The following MED14 variants were observed in gnomAD, a reference collection of about 807,000 sequenced individuals.
The protein encoded by MED14 is mediator of RNA polymerase II transcription subunit 14.
A neutral mutation model predicts 109.0 loss-of-function variants in MED14; 8 were observed. The ratio of observed to expected loss-of-function variants is 0.07; its 90% confidence interval spans 0.04 to 0.13. MED14 has a LOEUF of 0.13. Ranked by LOEUF, MED14 falls within the 10% of genes least tolerant of loss-of-function variation. The probability of loss-of-function intolerance (pLI) is 1.00; values close to 1 mark genes in which losing one functional copy is unlikely to be tolerated. For synonymous variants in MED14, 399 were observed against 408.7 expected (o/e 0.98, Z 0.29); for missense variants, 711 against 1,142.4 (o/e 0.62, Z 5.44).
Position 40,651,165 on chromosome X carries a change from C to T in MED14, c.*641G>A, listed in dbSNP as rs925717192. 8.0e-6 allele frequency: 6 copies of T among 749,885 alleles called. No individual in the cohort carries two copies. In the African/African-American group the frequency reaches 9.3e-5, roughly 12 times the overall value. 61.8% of individuals were successfully genotyped at this position (749,885 alleles called of 1,213,427 possible). The stretch of plus-strand genomic sequence containing the variant: ...AAGATGTTTTTGGTCAAATTTCAGA[C>T]ATGTATTATTATAAATTAATAACTG... On this transcript the variant is annotated 3_prime_UTR_variant, in exon 31 of 31. Coordinates refer to ENST00000324817, the MANE Select transcript of MED14 (RefSeq NM_004229.4).
intron 3 of MED14, among the ~76,000 whole-genome samples, chrX:40,721,391 G>C (rs146707160): frequency 1.2e-4 from 13 of 112,436 alleles, no homozygotes; most frequent in South Asian, 3.7e-4. Flanking sequence ...ATGGCCAAAG[G>C]GGGAGGCTCC....
intron 3 of MED14, among the ~76,000 whole-genome samples, chrX:40,721,944 T>C (rs1247350295): frequency 8.9e-6 from 1 of 112,135 alleles, no homozygotes; most frequent in East Asian, 2.8e-4. Flanking sequence ...CACAGCATTA[T>C]TGAGCTTGGG....
Position 40,682,753 on chromosome X carries a change from C to A in MED14, c.2219-4G>T, listed in dbSNP as rs369189859. On this transcript the variant is annotated splice_polypyrimidine_tract_variant and splice_region_variant and intron_variant, in intron 17 of 30. Transcript: ENST00000324817. ...AGGTAAACGTGCCGGGATGGTCCTACAGGATTAAAAGAGAATATTAATAGT... is the reference window on the plus strand; with the variant it reads ...AGGTAAACGTGCCGGGATGGTCCTAAAGGATTAAAAGAGAATATTAATAGT... The A allele has an allele frequency of 1.7e-6, 2 of 1,205,172 alleles. No individual in the cohort carries two copies. Among genetic ancestry groups the A allele is most frequent in the African/African-American group, 3.5e-5 (2 of 56,726 alleles).
rs1387005685 is a variant in MED14, at chrX:40,712,959, G to A, written c.736C>T (p.Arg246Cys). Residue 246 changes from arginine to cysteine, a missense_variant, in exon 6 of 31, where the codon CGT becomes TGT. Around this residue, in one of 8 missense-constraint regions of MED14, gnomAD observed 388 missense variants for 517.3 expected, o/e 0.75. Transcript: ENST00000324817. ...VMGDDPDVPW[R>C]LLKLEILVED... Reference sequence around the variant, plus strand: ...ACTAGAATTTCTAGCTTGAGAAGACGCCATGGAACATCAGGGTCATCTCCC... The same window carrying A: ...ACTAGAATTTCTAGCTTGAGAAGACACCATGGAACATCAGGGTCATCTCCC... The A allele has an allele frequency of 1.7e-6, 2 of 1,189,570 alleles. No homozygotes were observed. The highest frequency in any genetic ancestry group is 2.3e-6 in the Non-Finnish European group (2 of 880,869).
At chrX:40,661,793 T>C (rs1042597953) in intron 26 of MED14, among the ~76,000 whole-genome samples, 4 of 111,883 alleles carry the variant, frequency 3.6e-5, no homozygotes, top group Non-Finnish European at 5.6e-5. Context: ...TAGGATAAGT[T>C]AGAAGTCTCT....
At chrX:40,662,435 G>A in intron 26 of MED14, among the ~76,000 whole-genome samples, 1 of 110,154 alleles carries the variant, frequency 9.1e-6, no homozygotes, top group Non-Finnish European at 1.9e-5. Flanking sequence ...ATTGCCTAGG[G>A]TGGTCTGGAA....
intron 13 of MED14, among the ~76,000 whole-genome samples, chrX:40,695,827 A>C (rs761779757): frequency 8.9e-6 from 1 of 112,462 alleles, no homozygotes; most frequent in Non-Finnish European, 1.9e-5. Context: ...CGAGCTTAAG[A>C]TATGTCAGCC....
Position 40,651,491 on chromosome X carries a change from CAATT to C in MED14, c.*311_*314del, listed in dbSNP as rs966860056. 36 of 799,579 alleles carry C rather than the reference CAATT, an allele frequency of 4.5e-5. No individual in the cohort carries two copies. Among genetic ancestry groups the C allele is most frequent in the East Asian group, 2.6e-4 (3 of 11,403 alleles). 65.9% of individuals were successfully genotyped at this position (799,579 alleles called of 1,213,427 possible). ...CTATTACACCCAAAACATAAGAAAA[CAATT>C]AAATAAACAAGTTTGGCATTTTCAT... On this transcript the variant is annotated 3_prime_UTR_variant, in exon 31 of 31. Transcript: ENST00000324817.
At chrX:40,724,138 A>G (rs750464071) in intron 3 of MED14, among the ~76,000 whole-genome samples, 1 of 112,580 alleles carries the variant, frequency 8.9e-6, no homozygotes, top group African/African-American at 3.2e-5. Context: ...CAGCAAAAGG[A>G]TATGATTGTA....
At position 40,672,138 on chromosome X, in the gene MED14, A is replaced by G. The variant is rs7884845; in HGVS notation, c.3022-166T>C. 6.9e-3 allele frequency among the ~76,000 whole-genome samples: 773 copies of G among 112,574 alleles called. 7 individuals are homozygous for G. Among genetic ancestry groups the G allele is most frequent in the African/African-American group, 0.023 (721 of 31,003 alleles). On this transcript the variant is annotated intron_variant, in intron 22 of 30. Transcript: ENST00000324817. ...TGCAAAATAAATACACATCACCAGC[A>G]CAAGTCTTTATAAACCCCGACTTTC...
At position 40,664,489 on chromosome X, in the gene MED14, C is replaced by A; in HGVS notation, c.3266G>T (p.Gly1089Val). The A allele has an allele frequency of 9.4e-7, 1 of 1,062,194 alleles. No individual in the cohort carries two copies. Among genetic ancestry groups the A allele is most frequent in the Non-Finnish European group, 1.2e-6 (1 of 817,180 alleles). The allele number at this position is 1,062,194 out of a possible 1,213,427, so 87.5% of individuals were successfully genotyped here. A position where few individuals can be genotyped will look rare whatever the true frequency, so the allele number is the denominator to read the frequency against. Reference protein sequence around the residue: ...GPGASFASPHGTLDPSSPYTM... With the variant: ...GPGASFASPHVTLDPSSPYTM... ...GTATGGGGAACTAGGGTCAAGAGTT[C>A]CTATAAAAAAGGTAAACAAATGATT... Residue 1089 changes from glycine to valine, a missense_variant and splice_region_variant, in exon 25 of 31, where the codon GGA becomes GTA. Coordinates refer to ENST00000324817, the MANE Select transcript of MED14 (RefSeq NM_004229.4).
chrX:40,694,697 GACTA>G (rs1292719414), intron 13 of MED14, among the ~76,000 whole-genome samples: 2 of 111,891 alleles, frequency 1.8e-5, no homozygotes, highest in Non-Finnish European at 3.8e-5. Flanking sequence ...AAATTCTAAT[GACTA>G]ACTGTTGGCA....
intron 1 of MED14, 133 bp from the exon 2 acceptor site, chrX:40,729,478 G>A: frequency 3.7e-6 from 2 of 542,478 alleles, no homozygotes; most frequent in Non-Finnish European, 5.7e-6. Flanking sequence ...ACAGGCTCAT[G>A]TAGCTACCTA....
intron 21 of MED14, among the ~76,000 whole-genome samples, chrX:40,678,541 T>C (rs1929995120): frequency 9.0e-6 from 1 of 110,554 alleles, no homozygotes; most frequent in Admixed American, 9.6e-5. Context: ...GTTACAAAGA[T>C]AGGAGGAAAG....
intron 10 of MED14, among the ~76,000 whole-genome samples, chrX:40,707,107 GGATA>G (rs544581828): frequency 0.15 from 15,397 of 101,172 alleles, 1,535 homozygotes; most frequent in African/African-American, 0.34. Flanking sequence ...ATACATAGAT[GGATA>G]GATAGATAGA....
intron 4 of MED14, among the ~76,000 whole-genome samples, chrX:40,714,192 A>G (rs1252266780): frequency 8.9e-6 from 1 of 112,176 alleles, no homozygotes; most frequent in Non-Finnish European, 1.9e-5. Context: ...CAAGTATAAA[A>G]TACAATATGG....
At chrX:40,714,910 A>G (rs1229537733) in intron 3 of MED14, 200 bp from the exon 4 acceptor site, 2 of 348,660 alleles carry the variant, frequency 5.7e-6, no homozygotes, top group Non-Finnish European at 9.8e-6. Flanking sequence ...AAGAGCAATA[A>G]TTTTCTGTCA....
chrX:40,735,548 C>T (rs1932235730), upstream of MED14: 1 of 635,069 alleles, frequency 1.6e-6, no homozygotes, highest in Non-Finnish European at 2.5e-6. Flanking sequence ...AACAGGAAGC[C>T]GTGCGCCGAC....
At chrX:40,665,233 C>T (rs1381165221) in intron 24 of MED14, among the ~76,000 whole-genome samples, 1 of 111,445 alleles carries the variant, frequency 9.0e-6, no homozygotes, top group Non-Finnish European at 1.9e-5. Flanking sequence ...ATAAGAAACA[C>T]CAAAGACCGG....
Sources: gnomAD v4.1 joint callset for allele counts (sites outside exome capture counted in the v4.1 genomes callset) on GRCh38, gnomAD v4.1.1 for gene constraint, gnomAD v4.1.1 regional missense constraint, MANE v1.5 for transcripts, NCBI Gene and HGNC (gene_info 2026-07-23, HGNC 2026-07-21) for gene names.